FHIP1A: variants seen among roughly 807,000 people sequenced by gnomAD.
FHIP1A encodes FHF complex subunit HOOK-interacting protein 1A.
In FHIP1A, 61 loss-of-function variants were observed where a neutral mutation model predicts 88.6. The ratio of observed to expected loss-of-function variants is 0.69; its 90% CI spans 0.56 to 0.85. FHIP1A has a LOEUF of 0.85. Ranked by LOEUF, FHIP1A falls within the 40% of genes least tolerant of loss-of-function variation. The probability of loss-of-function intolerance (pLI) is 0.00; values close to 1 mark genes in which losing one functional copy is unlikely to be tolerated. For synonymous variants in FHIP1A, 478 were observed against 496.0 expected (o/e 0.96, Z 0.48); for missense variants, 1,154 against 1,273.5 (o/e 0.91, Z 1.43).
At chr4:151,572,624 A>G (rs1256210544) in intron 4 of FHIP1A, among the ~76,000 whole-genome samples, 2 of 152,236 alleles carry the variant, frequency 1.3e-5, no homozygotes, top group Non-Finnish European at 2.9e-5. Flanking sequence ...TTGGCTTTAG[A>G]TGGCTAAATC....
chr4:151,615,789 C>T (rs1315357147), intron 7 of FHIP1A, among the ~76,000 whole-genome samples: 1 of 152,048 alleles, frequency 6.6e-6, no homozygotes, highest in Non-Finnish European at 1.5e-5. Context: ...ACAGTGTGGA[C>T]AGGGGGTTAG....
At chr4:151,583,802 C>T (rs1359452031) in intron 5 of FHIP1A, among the ~76,000 whole-genome samples, 1 of 152,116 alleles carries the variant, frequency 6.6e-6, no homozygotes, top group East Asian at 1.9e-4. Flanking sequence ...TCTCTTTTGC[C>T]AGAGGTTTCT....
intron 2 of FHIP1A, among the ~76,000 whole-genome samples, chr4:151,481,747 T>TA (rs987514748): frequency 1.3e-5 from 2 of 152,130 alleles, no homozygotes; most frequent in African/African-American, 4.8e-5. Context: ...TGATATCAAA[T>TA]AGTGGCTTCT....
chr4:151,650,710 C>T (rs1185197232), intron 11 of FHIP1A, 118 bp downstream of exon 11: 4 of 1,313,742 alleles, frequency 3.0e-6, no homozygotes, highest in South Asian at 1.7e-5. Context: ...CAGAGGGCTG[C>T]AAATATTTTT....
intron 3 of FHIP1A, among the ~76,000 whole-genome samples, chr4:151,536,767 C>T (rs1354248052): frequency 1.3e-5 from 2 of 152,154 alleles, no homozygotes; most frequent in Non-Finnish European, 2.9e-5. Context: ...CTACTATGAA[C>T]ATTTGTATAC....
chr4:151,430,582 G>A (rs1235417287), intron 1 of FHIP1A, among the ~76,000 whole-genome samples: 2 of 152,058 alleles, frequency 1.3e-5, no homozygotes, highest in African/African-American at 4.8e-5. Flanking sequence ...GCTTAAATTG[G>A]CATTGATTTT....
chr4:151,527,534 C>A (rs985688914), intron 3 of FHIP1A, among the ~76,000 whole-genome samples: 1 of 151,750 alleles, frequency 6.6e-6, no homozygotes, highest in African/African-American at 2.4e-5. Context: ...GAGAGGGAGA[C>A]CGTGGGGAGA....
chr4:151,557,061 A>G lies in FHIP1A; in HGVS notation c.-122-9077A>G, dbSNP rs1301615156. ...CAGAATCTAGTCCCCATATATTGCAATTTCACTCTAATAGTATTGGGTCAG... is the reference window on the plus strand; with the variant it reads ...CAGAATCTAGTCCCCATATATTGCAGTTTCACTCTAATAGTATTGGGTCAG... On this transcript the variant is annotated intron_variant, in intron 3 of 13. Coordinates refer to ENST00000435205, the MANE Select transcript of FHIP1A (RefSeq NM_001109977.3). Among the ~76,000 whole-genome samples, 3 of 152,106 alleles carry G rather than the reference A, an allele frequency of 2.0e-5. No individual in the cohort carries two copies. In the East Asian group the frequency reaches 5.8e-4, roughly 29 times the overall value.
intron 11 of FHIP1A, among the ~76,000 whole-genome samples, chr4:151,651,967 C>T (rs1737047227): frequency 6.6e-6 from 1 of 152,026 alleles, no homozygotes. Context: ...ATAAGGGGGA[C>T]AGGGAAGGGG....
intron 1 of FHIP1A, among the ~76,000 whole-genome samples, chr4:151,437,986 A>T (rs1156423986): frequency 1.3e-5 from 2 of 152,190 alleles, no homozygotes; most frequent in African/African-American, 4.8e-5. Flanking sequence ...AAAATCTTAA[A>T]TATCACATGC....
At chr4:151,438,061 C>T (rs1728266997) in intron 1 of FHIP1A, among the ~76,000 whole-genome samples, 2 of 152,062 alleles carry the variant, frequency 1.3e-5, no homozygotes, top group Admixed American at 1.3e-4. Flanking sequence ...CCCAGCCCCC[C>T]AAACTGGGAA....
chr4:151,579,072 A>AT (rs141396696), intron 5 of FHIP1A, among the ~76,000 whole-genome samples: 6,232 of 152,208 alleles, frequency 0.041, 174 homozygotes, highest in Middle Eastern at 0.13. Context: ...TAAAAAGATC[A>AT]TTTTTTTCCC....
intron 2 of FHIP1A, among the ~76,000 whole-genome samples, chr4:151,456,674 A>C (rs574442787): frequency 6.6e-6 from 1 of 152,328 alleles, no homozygotes; most frequent in African/African-American, 2.4e-5. Context: ...ATAACACACA[A>C]AAGAAAAATA....
At position 151,650,396 on chromosome 4, in the gene FHIP1A, G is replaced by A. The variant is rs1736983303; in HGVS notation, c.2355G>A (p.Glu785=). The A allele has an allele frequency of 1.3e-6, 2 of 1,551,622 alleles. No individual in the cohort carries two copies. ...CTGATCCCTTGCTTCTCACTAAGGA[G>A]GAAGAAGGGAAGGAAGAGAGTAAAG... ...PTPDPLLLTK[E]EEGKEESKGE... Residue 785 remains glutamate, a synonymous_variant, in exon 11 of 14, where the codon GAG becomes GAA. Coordinates refer to ENST00000435205, the MANE Select transcript of FHIP1A (RefSeq NM_001109977.3).
intron 3 of FHIP1A, among the ~76,000 whole-genome samples, chr4:151,565,148 A>G (rs1178872014): frequency 1.3e-5 from 2 of 152,110 alleles, no homozygotes; most frequent in Non-Finnish European, 2.9e-5. Flanking sequence ...TGGTAGTTGT[A>G]ATTACTTTTT....
intron 3 of FHIP1A, among the ~76,000 whole-genome samples, chr4:151,565,019 C>T (rs570245595): frequency 8.6e-5 from 13 of 152,042 alleles, no homozygotes; most frequent in South Asian, 2.1e-4. Flanking sequence ...GAGGAATAGC[C>T]GATCGGTGTT....
At chr4:151,528,213 C>G (rs538690412) in intron 3 of FHIP1A, among the ~76,000 whole-genome samples, 3 of 152,284 alleles carry the variant, frequency 2.0e-5, no homozygotes, top group African/African-American at 7.2e-5. Flanking sequence ...AAAAATAAAT[C>G]TGGATAAATT....
In FHIP1A at chr4:151,646,288, G is replaced by C. The variant is rs147041877; in HGVS notation, c.1227-270G>C. On this transcript the variant is annotated intron_variant, in intron 9 of 13. Transcript: ENST00000435205. ...GGTAAAGGTGACAGTGGGCACAAAGGCATGGAGTTTGAAGAGGGATCGTTT... is the reference window on the plus strand; with the variant it reads ...GGTAAAGGTGACAGTGGGCACAAAGCCATGGAGTTTGAAGAGGGATCGTTT... 7.3e-4 allele frequency among the ~76,000 whole-genome samples: 111 copies of C among 152,318 alleles called. 2 individuals are homozygous for C. In the East Asian group the frequency reaches 0.021, roughly 29 times the overall value.
intron 3 of FHIP1A, among the ~76,000 whole-genome samples, chr4:151,512,407 A>G (rs1731072325): frequency 6.6e-6 from 1 of 152,250 alleles, no homozygotes; most frequent in Admixed American, 6.5e-5. Context: ...CTCCTCCTCC[A>G]AAGGAACACA....
Sources: gnomAD v4.1 joint callset for allele counts (sites outside exome capture counted in the v4.1 genomes callset) on GRCh38, gnomAD v4.1.1 for gene constraint, MANE v1.5 for transcripts, NCBI Gene and HGNC (gene_info 2026-07-23, HGNC 2026-07-21) for gene names.